Variants in GLRA2 observed in about 807,000 individuals in gnomAD.
GLRA2 encodes glycine receptor subunit alpha-2.
In GLRA2, 11 loss-of-function variants were observed where a neutral mutation model predicts 31.6. The observed-to-expected ratio is 0.35, with a 90% CI of 0.22 to 0.58. The LOEUF is 0.58. Among genes scored for constraint, GLRA2 ranks in the 20% least tolerant of loss-of-function variants. The pLI is 0.84. For missense variants in GLRA2, 212 were observed against 351.8 expected (o/e 0.60, Z 3.18); for synonymous variants, 132 against 134.0 (o/e 0.99, Z 0.10).
intron 4 of GLRA2, among the ~76,000 whole-genome samples, chrX:14,596,046 A>G (rs2090198036): frequency 9.0e-6 from 1 of 111,363 alleles, no homozygotes; most frequent in Non-Finnish European, 1.9e-5. Flanking sequence ...CCTCCACAAT[A>G]GGACCTAGAG....
chrX:14,479,975 AT>A, the GLRA2 span, among the ~76,000 whole-genome samples: 2 of 111,893 alleles, frequency 1.8e-5, no homozygotes, highest in Admixed American at 9.5e-5. Flanking sequence ...GGCTGAACTA[AT>A]TTACGTTCCC....
chrX:14,680,940 T>C (rs935029642), intron 7 of GLRA2, among the ~76,000 whole-genome samples: 4 of 112,210 alleles, frequency 3.6e-5, no homozygotes, highest in Non-Finnish European at 7.5e-5. Context: ...GGTAGGCACA[T>C]ATCTCGGGCA....
At chrX:14,532,138 T>A in intron 1 of GLRA2, 101 bp from the exon 2 acceptor site, 1 of 568,938 alleles carries the variant, frequency 1.8e-6, no homozygotes, top group Non-Finnish European at 2.6e-6. Context: ...TACTAACATA[T>A]CAAATATCTT....
At chrX:14,479,112 G>T in the GLRA2 span, among the ~76,000 whole-genome samples, 3 of 108,407 alleles carry the variant, frequency 2.8e-5, no homozygotes, top group African/African-American at 1.0e-4. Context: ...TAGGCATGCA[G>T]AGAAAAAAAA....
intron 3 of GLRA2, among the ~76,000 whole-genome samples, chrX:14,576,825 C>T (rs181859215): frequency 5.5e-4 from 62 of 112,538 alleles, no homozygotes; most frequent in Non-Finnish European, 9.0e-4. Flanking sequence ...GGGTAACATA[C>T]ACAGCCTGTC....
intron 7 of GLRA2, among the ~76,000 whole-genome samples, chrX:14,661,937 A>ATAT (rs1245685832): frequency 9.1e-6 from 1 of 109,311 alleles, no homozygotes; most frequent in Admixed American, 9.9e-5. Context: ...AGAATTAAGT[A>ATAT]TATTTTTGCA....
intron 2 of GLRA2, among the ~76,000 whole-genome samples, chrX:14,534,905 G>A (rs919265322): frequency 2.7e-5 from 3 of 110,715 alleles, no homozygotes; most frequent in Non-Finnish European, 5.7e-5. Context: ...CAAGGAGGAG[G>A]CTTAGATAAA....
At chrX:14,685,650 A>G (rs2091267663) in intron 7 of GLRA2, among the ~76,000 whole-genome samples, 1 of 111,160 alleles carries the variant, frequency 9.0e-6, no homozygotes, top group Admixed American at 9.5e-5. Flanking sequence ...TTTCTGTGGG[A>G]TCGGTGGTGA....
chrX:14,625,300 C>T (rs941965208), intron 7 of GLRA2, among the ~76,000 whole-genome samples: 1 of 111,253 alleles, frequency 9.0e-6, no homozygotes, highest in African/African-American at 3.3e-5. Flanking sequence ...ACTCTTTATC[C>T]AATTTGCCAG....
chrX:14,622,635 G>C (rs749540215), intron 7 of GLRA2, among the ~76,000 whole-genome samples: 1 of 111,490 alleles, frequency 9.0e-6, no homozygotes, highest in Non-Finnish European at 1.9e-5. Flanking sequence ...TCTTGTTCTC[G>C]TTAGGTTTGT....
rs141772101 is a variant in GLRA2 at position 14,696,274 on chromosome X, T to G, written c.1080+5415T>G. Among the ~76,000 whole-genome samples the G allele has an allele frequency of 7.4e-3, 806 of 108,656 alleles. 10 individuals carry two copies. The highest frequency in any genetic ancestry group is 0.026 in the African/African-American group (772 of 29,734). The allele number at this position is 108,656 out of a possible 115,157, so 94.4% of individuals were successfully genotyped here. A position where few individuals can be genotyped will look rare whatever the true frequency, so the allele number is the denominator to read the frequency against. Reference sequence around the variant, plus strand: ...GAAGTTAAGGGAGGTTGCATGGCAGTAGTTGCAGTGATGAACCAGAAATTC... The same window carrying G: ...GAAGTTAAGGGAGGTTGCATGGCAGGAGTTGCAGTGATGAACCAGAAATTC... On this transcript the variant is annotated intron_variant, in intron 8 of 8. Transcript: ENST00000218075.
chrX:14,714,843 G>A (rs2091763118), intron 8 of GLRA2, among the ~76,000 whole-genome samples: 1 of 111,928 alleles, frequency 8.9e-6, no homozygotes, highest in South Asian at 3.7e-4. Flanking sequence ...ACTTAAAAAC[G>A]GATGTTTGGT....
chrX:14,560,797 C>CAAAAAAAAAAAAAA (rs760583127), intron 2 of GLRA2, among the ~76,000 whole-genome samples: 1 of 41,262 alleles, frequency 2.4e-5, no homozygotes, highest in Admixed American at 3.7e-4. Context: ...GACCCTGTCT[C>CAAAAAAAAAAAAAA]AAAAAAAAAA....
chrX:14,480,839 C>G, the GLRA2 span, among the ~76,000 whole-genome samples: 2 of 111,233 alleles, frequency 1.8e-5, no homozygotes, highest in African/African-American at 3.3e-5. Flanking sequence ...TTTAGCTATT[C>G]GGGCTTTTTG....
intron 2 of GLRA2, among the ~76,000 whole-genome samples, chrX:14,565,475 T>C (rs2089792190): frequency 1.8e-5 from 2 of 109,288 alleles, no homozygotes; most frequent in Non-Finnish European, 1.9e-5. Flanking sequence ...AATGTTTATT[T>C]CTCTCATCAT....
chrX:14,635,816 G>A (rs2090704141), intron 7 of GLRA2, among the ~76,000 whole-genome samples: 1 of 111,480 alleles, frequency 9.0e-6, no homozygotes, highest in African/African-American at 3.3e-5. Context: ...TTCCTAGGGA[G>A]AAATTTTGGG....
intron 4 of GLRA2, among the ~76,000 whole-genome samples, chrX:14,598,383 A>G (rs1165940658): frequency 8.9e-6 from 1 of 112,364 alleles, no homozygotes; most frequent in East Asian, 2.8e-4. Context: ...TTCTAATTCT[A>G]AGTTCCTTAT....
chrX:14,522,145 G>T, the GLRA2 span, among the ~76,000 whole-genome samples: 8 of 112,360 alleles, frequency 7.1e-5, no homozygotes, highest in African/African-American at 1.3e-4. Context: ...CCCTGCTGCT[G>T]CTTTATCAAC....
the GLRA2 span, among the ~76,000 whole-genome samples, chrX:14,511,084 A>G: frequency 1.8e-5 from 2 of 111,591 alleles, no homozygotes; most frequent in Non-Finnish European, 3.8e-5. Context: ...CCCAGAGTGT[A>G]AATAAATAGA....
Sources: gnomAD v4.1 joint callset for allele counts (sites outside exome capture counted in the v4.1 genomes callset) on GRCh38, gnomAD v4.1.1 for gene constraint, MANE v1.5 for transcripts, NCBI Gene and HGNC (gene_info 2026-07-23, HGNC 2026-07-21) for gene names.